The following SENP8 variants were observed in gnomAD, a reference collection of about 807,000 sequenced individuals.
The protein encoded by SENP8 is sentrin-specific protease 8.
Under a neutral mutation model 14.4 loss-of-function variants are expected in SENP8, and 10 were observed. The ratio of observed to expected loss-of-function variants is 0.69; its 90% CI spans 0.43 to 1.18. The LOEUF is 1.18. Among genes scored for constraint, SENP8 ranks in the 50% most tolerant of loss-of-function variants. SENP8 has a pLI of 0.00. For missense variants in SENP8, 202 were observed against 249.4 expected (o/e 0.81, Z 1.28); for synonymous variants, 94 against 95.5 (o/e 0.98, Z 0.09).
intron 1 of SENP8, among the ~76,000 whole-genome samples, chr15:72,132,978 C>G (rs1178562514): frequency 1.3e-5 from 2 of 152,206 alleles, no homozygotes; most frequent in East Asian, 1.9e-4. Flanking sequence ...CGAGACCAGC[C>G]TGGCCAACAT....
At chr15:72,124,780 AAAGG>A (rs977397704) in intron 1 of SENP8, among the ~76,000 whole-genome samples, 5 of 152,110 alleles carry the variant, frequency 3.3e-5, no homozygotes, top group Non-Finnish European at 7.4e-5. Context: ...CATTATTAAA[AAAGG>A]GGGAAAAATT....
At chr15:72,118,018 G>T (rs1439594700), upstream of SENP8, 2 of 397,916 alleles carry the variant, frequency 5.0e-6, no homozygotes, top group African/African-American at 4.1e-5. Context: ...AGTCCGGGCT[G>T]TCCTGTACTC....
At chr15:72,136,550 A>C (rs910740574) in intron 1 of SENP8, among the ~76,000 whole-genome samples, 4 of 152,154 alleles carry the variant, frequency 2.6e-5, no homozygotes, top group African/African-American at 9.7e-5. Context: ...TACTGTGTCT[A>C]CATAAAACCA....
intron 1 of SENP8, among the ~76,000 whole-genome samples, chr15:72,126,356 G>T (rs1260600578): frequency 1.3e-5 from 2 of 152,168 alleles, no homozygotes; most frequent in Admixed American, 6.5e-5. Flanking sequence ...AGGCACAGTG[G>T]CTGATGCCTG....
chr15:72,130,235 A>G (rs925239804), intron 1 of SENP8, among the ~76,000 whole-genome samples: 6 of 152,252 alleles, frequency 3.9e-5, no homozygotes, highest in South Asian at 2.1e-4. Context: ...TGCCTTTAAG[A>G]TAGTTTAATA....
intron 1 of SENP8, among the ~76,000 whole-genome samples, chr15:72,130,191 A>G (rs2081259890): frequency 1.3e-5 from 2 of 152,178 alleles, no homozygotes; most frequent in South Asian, 4.1e-4. Flanking sequence ...ATGCCATCTC[A>G]AAAGAAAAAA....
At chr15:72,123,029 A>G (rs1173267106) in intron 1 of SENP8, among the ~76,000 whole-genome samples, 2 of 152,234 alleles carry the variant, frequency 1.3e-5, no homozygotes, top group South Asian at 4.1e-4. Flanking sequence ...TCATTAATTC[A>G]TTAGATATTT....
chr15:72,139,251 A>G (rs1039475873), intron 1 of SENP8: 1 of 175,746 alleles, frequency 5.7e-6, no homozygotes, highest in Non-Finnish European at 1.2e-5. Flanking sequence ...CTTACGAAAA[A>G]GTAAGCTAGG....
chr15:72,143,507 T>C lies in SENP8; in HGVS notation c.*3245T>C, dbSNP rs1447690933. On this transcript the variant is annotated 3_prime_UTR_variant, in exon 2 of 2. Transcript: ENST00000340912. Reference sequence around the variant, plus strand: ...ACTCTGTAATGTGCAGGGTACTTTATGCACACATATTACACAAGTACCTTG... The same window carrying C: ...ACTCTGTAATGTGCAGGGTACTTTACGCACACATATTACACAAGTACCTTG... The C allele has an allele frequency of 4.6e-5, 7 of 152,210 alleles. No homozygotes were observed. In the East Asian group the frequency reaches 1.2e-3, roughly 25 times the overall value. 9.4% of individuals were successfully genotyped at this position (152,210 alleles called of 1,614,324 possible). A position where few individuals can be genotyped will look rare whatever the true frequency, so the allele number is the denominator to read the frequency against.
Position 72,140,575 on chromosome 15 carries a change from G to T in SENP8, c.*313G>T, listed in dbSNP as rs2081372315. 3.5e-6 allele frequency: 1 copy of T among 287,524 alleles called. No homozygotes were observed. Among genetic ancestry groups the T allele is most frequent in the Non-Finnish European group, 6.9e-6 (1 of 144,036 alleles). The allele number at this position is 287,524 out of a possible 1,614,324, so 17.8% of individuals were successfully genotyped here. A position where few individuals can be genotyped will look rare whatever the true frequency, so the allele number is the denominator to read the frequency against. On this transcript the variant is annotated 3_prime_UTR_variant, in exon 2 of 2. Transcript: ENST00000340912. ...ATTGGTATATAATTAATTTCCTTTG[G>T]TCTCCCTTATCCACATTGGCTTATT...
At chr15:72,116,642 C>T (rs1397572375), upstream of SENP8, among the ~76,000 whole-genome samples, 1 of 152,128 alleles carries the variant, frequency 6.6e-6, no homozygotes, top group Non-Finnish European at 1.5e-5. Context: ...AAAAAAAGTC[C>T]CCTAGTATCC....
At chr15:72,126,404 A>T (rs1365935996) in intron 1 of SENP8, among the ~76,000 whole-genome samples, 1 of 151,934 alleles carries the variant, frequency 6.6e-6, no homozygotes, top group African/African-American at 2.4e-5. Context: ...TGGGTGGATC[A>T]CAAGGTCAGG....
chr15:72,128,151 CAGAGAG>C (rs367919734), intron 1 of SENP8, among the ~76,000 whole-genome samples: 44 of 151,644 alleles, frequency 2.9e-4, no homozygotes, highest in Non-Finnish European at 1.9e-4. Flanking sequence ...GAAGAAAAAA[CAGAGAG>C]AGAGAGAAAG....
chr15:72,124,624 T>A (rs1403154904), intron 1 of SENP8, among the ~76,000 whole-genome samples: 1 of 152,222 alleles, frequency 6.6e-6, no homozygotes, highest in Non-Finnish European at 1.5e-5. Context: ...GAAAAGAGAT[T>A]AGATTTACCT....
upstream of SENP8, among the ~76,000 whole-genome samples, chr15:72,116,298 T>C (rs182410555): frequency 4.0e-4 from 61 of 152,394 alleles, 2 homozygotes; most frequent in Admixed American, 6.5e-4. Flanking sequence ...TTACTGTGTG[T>C]GTGTGTATGA....
In SENP8 at chr15:72,139,675, G is replaced by T; in HGVS notation, c.52G>T (p.Val18Phe). Reference sequence around the variant, plus strand: ...GGACAGTCTACTGCGGCAATCAGATGTCTCACTATTGGATCCGCCAAGCTG... The same window carrying T: ...GGACAGTCTACTGCGGCAATCAGATTTCTCACTATTGGATCCGCCAAGCTG... Reference protein sequence around the residue: ...YMDSLLRQSDVSLLDPPSWLN... With the variant: ...YMDSLLRQSDFSLLDPPSWLN... Residue 18 changes from valine to phenylalanine, a missense_variant, in exon 2 of 2, where the codon GTC becomes TTC. Coordinates refer to ENST00000340912, the MANE Select transcript of SENP8 (RefSeq NM_145204.4). The T allele has an allele frequency of 6.2e-7, 1 of 1,614,208 alleles. No homozygotes were observed. The highest frequency in any genetic ancestry group is 8.5e-7 in the Non-Finnish European group (1 of 1,180,038).
At chr15:72,121,274 G>T (rs1470054219) in intron 1 of SENP8, among the ~76,000 whole-genome samples, 2 of 152,178 alleles carry the variant, frequency 1.3e-5, no homozygotes, top group South Asian at 2.1e-4. Flanking sequence ...GCTGTAATTT[G>T]TAGTTACTTT....
Position 72,139,768 on chromosome 15 carries a change from G to A in SENP8, c.145G>A (p.Asp49Asn). The A allele has an allele frequency of 6.2e-7, 1 of 1,614,122 alleles. No homozygotes were observed. Among genetic ancestry groups the A allele is most frequent in the Non-Finnish European group, 8.5e-7 (1 of 1,180,032 alleles). ...CAACAGTCAGTTTCATGACTGCTCT[G>A]ATCACGTCAGTTTCATCAGCCCTGA... ...FANSQFHDCS[D>N]HVSFISPEVT... The change falls in exon 2 of 2, where the codon GAT (aspartate) becomes AAT (asparagine). Residue 49 changes from aspartate to asparagine, a missense_variant. By Grantham distance (23) the Asp-to-Asn change is conservative (BLOSUM62 1). Coordinates refer to ENST00000340912, the MANE Select transcript of SENP8 (RefSeq NM_145204.4).
At chr15:72,138,879 C>T (rs112883648) in intron 1 of SENP8, among the ~76,000 whole-genome samples, 2 of 150,094 alleles carry the variant, frequency 1.3e-5, no homozygotes, top group South Asian at 2.1e-4. Context: ...TCAAAAGAAT[C>T]GCTTCAACCC....
Sources: allele counts gnomAD v4.1 joint callset (sites outside exome capture counted in the v4.1 genomes callset), GRCh38; gene constraint gnomAD v4.1.1; transcripts MANE v1.5; gene names NCBI Gene and HGNC (gene_info 2026-07-23, HGNC 2026-07-21).